The following RASGRF2 variants were observed in gnomAD, a reference collection of about 807,000 sequenced individuals.
RASGRF2 encodes ras-specific guanine nucleotide-releasing factor 2.
RASGRF2 carries 76 observed loss-of-function variants against 151.0 expected under a neutral mutation model. That is an observed-to-expected ratio of 0.50 (90% CI 0.42 to 0.61). RASGRF2 has a LOEUF of 0.61. Ranked by LOEUF, RASGRF2 falls within the 20% of genes least tolerant of loss-of-function variation. RASGRF2 has a pLI of 0.00. For missense variants in RASGRF2, 1,148 were observed against 1,564.6 expected, an observed-to-expected ratio of 0.73 and a Z score of 4.49; for synonymous variants, 504 against 566.5, an observed-to-expected ratio of 0.89 and a Z score of 1.57.
chr5:81,153,208 G>A (rs986838156), intron 17 of RASGRF2, among the ~76,000 whole-genome samples: 12 of 152,148 alleles, frequency 7.9e-5, no homozygotes, highest in African/African-American at 2.2e-4. Flanking sequence ...TATCCTAAAC[G>A]GTGTGATCCG....
intron 1 of RASGRF2, among the ~76,000 whole-genome samples, chr5:80,965,232 T>C (rs1277256695): frequency 1.3e-5 from 2 of 152,050 alleles, no homozygotes; most frequent in African/African-American, 4.8e-5. Context: ...TCTGAAATAT[T>C]TGTGGGAGAT....
chr5:80,990,227 T>TA (rs1748606404), intron 1 of RASGRF2, among the ~76,000 whole-genome samples: 1 of 146,982 alleles, frequency 6.8e-6, no homozygotes, highest in African/African-American at 2.4e-5. Context: ...TGTTTTTTTT[T>TA]TTTTTATTTT....
Position 81,144,979 on chromosome 5 carries a change from C to G in RASGRF2, c.2686+17816C>G, listed in dbSNP as rs190279559. Among the ~76,000 whole-genome samples the G allele has an allele frequency of 3.6e-3, 555 of 152,260 alleles. 1 individual carries two copies. Among genetic ancestry groups the G allele is most frequent in the African/African-American group, 0.013 (538 of 41,540 alleles). The stretch of plus-strand genomic sequence containing the variant: ...AGAATGCCAGACTCAGTGGCTCACG[C>G]CTGTAATCCCAGCACTTTGGGAGGC... On this transcript the variant is annotated intron_variant, in intron 17 of 26. Coordinates refer to ENST00000265080, the MANE Select transcript of RASGRF2 (RefSeq NM_006909.3).
intron 18 of RASGRF2, among the ~76,000 whole-genome samples, chr5:81,190,468 C>G (rs1755132632): frequency 6.6e-6 from 1 of 152,192 alleles, no homozygotes. Flanking sequence ...CTAGTTTCCA[C>G]ATTTGTAAAA....
intron 17 of RASGRF2, among the ~76,000 whole-genome samples, chr5:81,141,350 T>C (rs1393701831): frequency 6.6e-6 from 1 of 152,214 alleles, no homozygotes; most frequent in African/African-American, 2.4e-5. Context: ...GAGGGTAATC[T>C]TATCTCAAAG....
Position 81,112,706 on chromosome 5 carries a change from G to A in RASGRF2, c.1935G>A (p.Glu645=). The A allele has an allele frequency of 6.2e-7, 1 of 1,614,200 alleles. No individual in the cohort carries two copies. The highest frequency in any genetic ancestry group is 8.5e-7 in the Non-Finnish European group (1 of 1,180,036). Residue 645 remains glutamate (E), a synonymous_variant, in exon 14 of 27, where the codon GAG becomes GAA. Coordinates refer to ENST00000265080, the MANE Select transcript of RASGRF2 (RefSeq NM_006909.3). ...CCCAGATCCGTTATGCCAGCGTGGA[G>A]CGCCTCTTGGAACGACTGACAGACT... ...KVPQIRYASV[E]RLLERLTDLR... is the part of the protein sequence containing the mutation.
Position 81,094,859 on chromosome 5 carries a change from A to C in RASGRF2, c.1622A>C (p.Lys541Thr). The change falls in exon 12 of 27, where the codon AAA becomes ACA. Residue 541 changes from lysine (K) to threonine (T), a missense_variant. Transcript: ENST00000265080. ...EEPDASDDDS[K>T]GSGQVFGHLD... is the part of the protein sequence containing the mutation. ...GTTTGCTTTACATGTGTTCAAGCTA[A>C]AGGTTCTGGGCAAGTGTTTGGGCAC... 6.3e-7 allele frequency: 1 copy of C among 1,599,388 alleles called. No homozygotes were observed. The highest frequency in any genetic ancestry group is 8.6e-7 in the Non-Finnish European group (1 of 1,167,826).
chr5:81,003,434 A>G (rs554647079), intron 1 of RASGRF2, among the ~76,000 whole-genome samples: 16 of 152,264 alleles, frequency 1.1e-4, no homozygotes, highest in South Asian at 1.0e-3. Context: ...CAGGTTAGCC[A>G]GGATGGTCTC....
intron 19 of RASGRF2, among the ~76,000 whole-genome samples, chr5:81,206,295 G>A (rs992185154): frequency 3.9e-5 from 6 of 152,130 alleles, no homozygotes; most frequent in Non-Finnish European, 7.3e-5. Context: ...AGTCCATCTG[G>A]AATGCAAGGG....
At chr5:81,000,065 T>C (rs1407450266) in intron 1 of RASGRF2, among the ~76,000 whole-genome samples, 2 of 152,062 alleles carry the variant, frequency 1.3e-5, no homozygotes, top group African/African-American at 4.8e-5. Context: ...ATGGCCAGGA[T>C]TGCAACAGCT....
At chr5:81,010,503 G>A (rs553542705) in intron 1 of RASGRF2, among the ~76,000 whole-genome samples, 3 of 152,206 alleles carry the variant, frequency 2.0e-5, no homozygotes, top group African/African-American at 7.2e-5. Context: ...GAGTTCGAGA[G>A]AAGTTTTGCT....
intron 15 of RASGRF2, among the ~76,000 whole-genome samples, chr5:81,118,639 A>G (rs1753224466): frequency 6.6e-6 from 1 of 152,202 alleles, no homozygotes; most frequent in African/African-American, 2.4e-5. Flanking sequence ...CACTCCCAAA[A>G]AGGCCTTTTC....
At chr5:81,155,661 T>C (rs566383084) in intron 17 of RASGRF2, among the ~76,000 whole-genome samples, 2 of 152,232 alleles carry the variant, frequency 1.3e-5, no homozygotes, top group African/African-American at 4.8e-5. Flanking sequence ...ACCATCCTGA[T>C]ATAGAAGCTG....
chr5:80,962,933 G>C (rs190185915), intron 1 of RASGRF2, among the ~76,000 whole-genome samples: 1 of 152,294 alleles, frequency 6.6e-6, no homozygotes, highest in African/African-American at 2.4e-5. Flanking sequence ...AATCTTTGGT[G>C]TTTGTAGATA....
chr5:81,203,905 G>A (rs897435716), intron 19 of RASGRF2, among the ~76,000 whole-genome samples: 43 of 152,308 alleles, frequency 2.8e-4, no homozygotes, highest in African/African-American at 9.4e-4. Flanking sequence ...AGGCCATATG[G>A]CCCAAGTGAA....
At chr5:81,059,801 G>T (rs372951869) in intron 2 of RASGRF2, among the ~76,000 whole-genome samples, 2 of 151,888 alleles carry the variant, frequency 1.3e-5, no homozygotes, top group Non-Finnish European at 2.9e-5. Flanking sequence ...CTGAGATCGC[G>T]CCACTCCACT....
At chr5:81,046,677 T>C (rs1561576008) in intron 2 of RASGRF2, among the ~76,000 whole-genome samples, 1 of 152,166 alleles carries the variant, frequency 6.6e-6, no homozygotes, top group Non-Finnish European at 1.5e-5. Context: ...ACATAAAAAA[T>C]AACCTGATAT....
In RASGRF2 at chr5:81,122,462, C is replaced by T. The variant is rs372735111; in HGVS notation, c.2471-1180C>T. Among the ~76,000 whole-genome samples the T allele has an allele frequency of 2.6e-5, 4 of 152,280 alleles. 1 individual carries two copies. The highest frequency in any genetic ancestry group is 9.6e-5 in the African/African-American group (4 of 41,566). ...ATTCAGAGAAAGATTCTAACCATTT[C>T]CTTTTCCTGGCCCCTTTGTGTTTCA... On this transcript the variant is annotated intron_variant, in intron 15 of 26. Coordinates refer to ENST00000265080, the MANE Select transcript of RASGRF2 (RefSeq NM_006909.3).
chr5:81,175,084 C>T (rs988504058), intron 17 of RASGRF2, among the ~76,000 whole-genome samples: 113 of 152,354 alleles, frequency 7.4e-4, no homozygotes, highest in Middle Eastern at 3.4e-3. Context: ...TCCTGGTTCT[C>T]ACACTTCTTA....
Sources: gnomAD v4.1 joint callset for allele counts (sites outside exome capture counted in the v4.1 genomes callset) on GRCh38, gnomAD v4.1.1 for gene constraint, MANE v1.5 for transcripts, NCBI Gene and HGNC (gene_info 2026-07-23, HGNC 2026-07-21) for gene names.